Variants in LIPI observed in about 807,000 individuals in gnomAD.
LIPI encodes the protein lipase member I.
Under a neutral mutation model 50.6 loss-of-function variants are expected in LIPI, and 59 were observed. The observed-to-expected ratio is 1.16, with a 90% CI of 0.94 to 1.45. The LOEUF (loss-of-function observed/expected upper bound fraction) is 1.45, where lower values mean the gene tolerates loss of function less well. Ranked by LOEUF, LIPI falls within the 40% of genes most tolerant of loss-of-function variation. LIPI has a pLI of 0.00. For missense variants in LIPI, 586 were observed against 536.3 expected (o/e 1.09, Z -0.92); for synonymous variants, 203 against 178.2 (o/e 1.14, Z -1.11).
intron 8 of LIPI, among the ~76,000 whole-genome samples, chr21:14,147,462 C>T (rs1172729694): frequency 2.6e-5 from 4 of 152,010 alleles, no homozygotes; most frequent in African/African-American, 4.8e-5. Flanking sequence ...TGCCTGGCTC[C>T]GTGTAGATAA....
At chr21:14,191,341 C>A (rs1291086037) in intron 1 of LIPI, among the ~76,000 whole-genome samples, 1 of 141,404 alleles carries the variant, frequency 7.1e-6, no homozygotes. Context: ...CCCGCCACTG[C>A]ACTCCAGCCT....
chr21:14,141,427 A>G (rs919907989), intron 9 of LIPI, among the ~76,000 whole-genome samples: 1 of 151,804 alleles, frequency 6.6e-6, no homozygotes, highest in Non-Finnish European at 1.5e-5. Flanking sequence ...TTTAACTGCA[A>G]TCAGTTGTCC....
At chr21:14,165,133 A>C (rs1310428098) in intron 6 of LIPI, 90 bp downstream of exon 6, 6 of 936,118 alleles carry the variant, frequency 6.4e-6, no homozygotes, top group African/African-American at 1.7e-5. Context: ...AAGTAAACAG[A>C]GTGCACAGTT....
chr21:14,172,617 C>CA (rs1405706863), intron 4 of LIPI, among the ~76,000 whole-genome samples: 2 of 148,962 alleles, frequency 1.3e-5, no homozygotes, highest in Non-Finnish European at 3.0e-5. Context: ...ATCGCAAGAA[C>CA]AAAAAACCAA....
At chr21:14,161,349 A>T (rs969879938) in intron 7 of LIPI, among the ~76,000 whole-genome samples, 1 of 145,042 alleles carries the variant, frequency 6.9e-6, no homozygotes, top group African/African-American at 2.5e-5. Context: ...TATATATAAT[A>T]TATAGTAATA....
At chr21:14,141,501 T>C (rs1260860430) in intron 9 of LIPI, among the ~76,000 whole-genome samples, 1 of 152,166 alleles carries the variant, frequency 6.6e-6, no homozygotes, top group East Asian at 1.9e-4. Flanking sequence ...ATTGAGAACA[T>C]TGAGCAATGC....
chr21:14,156,821 C>A (rs2018289328), intron 7 of LIPI, among the ~76,000 whole-genome samples: 2 of 151,650 alleles, frequency 1.3e-5, no homozygotes, highest in Non-Finnish European at 2.9e-5. Flanking sequence ...AGTAAGGACA[C>A]AGGAGGAAAT....
chr21:14,121,647 C>T (rs1220309970), intron 9 of LIPI, among the ~76,000 whole-genome samples: 1 of 152,168 alleles, frequency 6.6e-6, no homozygotes, highest in Non-Finnish European at 1.5e-5. Flanking sequence ...TCCTACCACC[C>T]TCGGGCCCTT....
intron 6 of LIPI, 93 bp downstream of exon 6, chr21:14,165,128 AAC>A: frequency 1.1e-6 from 1 of 937,956 alleles, no homozygotes; most frequent in South Asian, 1.4e-5. Flanking sequence ...TTAACAAGTA[AAC>A]AGAGTGCACA....
chr21:14,160,591 GAGT>G (rs2018428069), intron 7 of LIPI, among the ~76,000 whole-genome samples: 1 of 151,252 alleles, frequency 6.6e-6, no homozygotes, highest in African/African-American at 2.4e-5. Context: ...GCTCAACACA[GAGT>G]TCTTAGACTT....
At chr21:14,201,013 G>A (rs1218869162) in intron 1 of LIPI, among the ~76,000 whole-genome samples, 2 of 152,022 alleles carry the variant, frequency 1.3e-5, no homozygotes, top group East Asian at 3.9e-4. Context: ...CAATGGAAAG[G>A]ATTCCCTGTC....
intron 7 of LIPI, among the ~76,000 whole-genome samples, chr21:14,162,896 A>G (rs1429485296): frequency 6.6e-6 from 1 of 151,816 alleles, no homozygotes; most frequent in East Asian, 1.9e-4. Context: ...TTTCATTTCC[A>G]AACAGAATAA....
chr21:14,184,489 T>C lies in LIPI; in HGVS notation c.541+1472A>G, dbSNP rs1030107447. Among the ~76,000 whole-genome samples the C allele has an allele frequency of 3.9e-4, 59 of 152,010 alleles. No homozygotes were observed. In the South Asian group the frequency reaches 0.012, roughly 30 times the overall value. ...CTTAAAGTATAATAATAATAAAATT[T>C]AAAAAAAATTTAAATAAAACTGAAA... On this transcript the variant is annotated intron_variant, in intron 3 of 9. Transcript: ENST00000681601.
At chr21:14,146,248 A>C (rs2017899548) in intron 8 of LIPI, among the ~76,000 whole-genome samples, 1 of 152,034 alleles carries the variant, frequency 6.6e-6, no homozygotes, top group Admixed American at 6.6e-5. Flanking sequence ...ACTAGGTTCA[A>C]ATCTAAATGA....
chr21:14,170,739 C>A (rs963052398), intron 4 of LIPI, among the ~76,000 whole-genome samples: 9 of 151,284 alleles, frequency 5.9e-5, no homozygotes, highest in Non-Finnish European at 1.0e-4. Flanking sequence ...CTATCTATGA[C>A]AAACCCACAG....
intron 7 of LIPI, among the ~76,000 whole-genome samples, chr21:14,161,716 T>A (rs1342897099): frequency 2.2e-5 from 2 of 89,504 alleles, no homozygotes; most frequent in African/African-American, 9.9e-5. Context: ...TATTATATAT[T>A]AATATATAAT....
chr21:14,114,077 G>C (rs1211495283), intron 9 of LIPI, among the ~76,000 whole-genome samples: 2 of 151,760 alleles, frequency 1.3e-5, no homozygotes, highest in African/African-American at 2.4e-5. Flanking sequence ...ACTTGGGAGG[G>C]TGAGGCAGGA....
chr21:14,175,856 A>C lies in LIPI; in HGVS notation c.643+5902T>G, dbSNP rs563409206. Among the ~76,000 whole-genome samples, 3 of 152,246 alleles carry C rather than the reference A, an allele frequency of 2.0e-5. No individual in the cohort carries two copies. The East Asian group carries it at 5.8e-4, about 29-fold the overall frequency. ...TAGAAGAGATGTATGAAGTTCAAGC[A>C]TTCTATGTTCCTTTCATTGTATGGA... On this transcript the variant is annotated intron_variant, in intron 4 of 9. Coordinates refer to ENST00000681601, the MANE Select transcript of LIPI (RefSeq NM_001302998.2).
intron 9 of LIPI, among the ~76,000 whole-genome samples, chr21:14,124,340 T>C (rs1460300701): frequency 6.6e-6 from 1 of 152,130 alleles, no homozygotes; most frequent in Non-Finnish European, 1.5e-5. Context: ...ATTTTACAAG[T>C]ATAATCAAAG....
Sources: allele counts gnomAD v4.1 joint callset (sites outside exome capture counted in the v4.1 genomes callset), GRCh38; gene constraint gnomAD v4.1.1; transcripts MANE v1.5; gene names NCBI Gene and HGNC (gene_info 2026-07-23, HGNC 2026-07-21).